The following TCF4 variants were observed in gnomAD, a reference collection of about 807,000 sequenced individuals.
TCF4 encodes the protein transcription factor 4, also known as SL3-3 enhancer factor 2.
TCF4 carries 3 observed loss-of-function variants against 82.1 expected under a neutral mutation model. That is an observed-to-expected ratio of 0.04 (90% confidence interval 0.02 to 0.09). The LOEUF (loss-of-function observed/expected upper bound fraction) is 0.09. Ranked by LOEUF, TCF4 falls within the 10% of genes least tolerant of loss-of-function variation. TCF4 has a pLI of 1.00. For missense variants in TCF4, 518 were observed against 852.7 expected (o/e 0.61, Z 4.89); for synonymous variants, 276 against 309.6 (o/e 0.89, Z 1.14).
intron 5 of TCF4, among the ~76,000 whole-genome samples, chr18:55,414,842 A>G (rs1052891414): frequency 1.3e-5 from 2 of 152,166 alleles, no homozygotes; most frequent in African/African-American, 2.4e-5. Context: ...TTTTACTCAA[A>G]CTACCATTCT....
At chr18:55,513,914 G>T (rs1179734470) in intron 3 of TCF4, among the ~76,000 whole-genome samples, 2 of 152,164 alleles carry the variant, frequency 1.3e-5, no homozygotes, top group Non-Finnish European at 2.9e-5. Flanking sequence ...GGTAGTCTCT[G>T]TTAAGGCTAA....
chr18:55,457,789 G>A (rs1568095286), intron 5 of TCF4, among the ~76,000 whole-genome samples: 1 of 152,110 alleles, frequency 6.6e-6, no homozygotes, highest in Non-Finnish European at 1.5e-5. Flanking sequence ...GAATTTCAGT[G>A]CCAAATAGAA....
chr18:55,400,924 T>C (rs1030114147), intron 6 of TCF4: 2 of 1,281,618 alleles, frequency 1.6e-6, no homozygotes, highest in African/African-American at 1.5e-5. Flanking sequence ...GCACACCATC[T>C]GAAGGTTTCC....
At chr18:55,352,990 A>T (rs891895157) in intron 6 of TCF4, among the ~76,000 whole-genome samples, 16 of 152,206 alleles carry the variant, frequency 1.1e-4, no homozygotes, top group Non-Finnish European at 1.9e-4. Context: ...TATTCTAGAC[A>T]CAAATCACCC....
intron 2 of TCF4, among the ~76,000 whole-genome samples, chr18:55,623,985 G>A (rs2097724116): frequency 6.6e-6 from 1 of 152,066 alleles, no homozygotes; most frequent in African/African-American, 2.4e-5. Context: ...TCAAAAGAGA[G>A]TTTCTCTTTA....
intron 5 of TCF4, among the ~76,000 whole-genome samples, chr18:55,440,569 T>A (rs2095420586): frequency 6.6e-6 from 1 of 152,210 alleles, no homozygotes; most frequent in Non-Finnish European, 1.5e-5. Context: ...CCTTTCTCTG[T>A]CTTCCAGGCT....
chr18:55,537,628 G>A lies in TCF4; in HGVS notation c.145+47652C>T, dbSNP rs1238099825. Among the ~76,000 whole-genome samples the A allele has an allele frequency of 2.0e-5, 3 of 152,232 alleles. 1 individual carries two copies. The highest frequency in any genetic ancestry group is 2.0e-4 in the Admixed American group (3 of 15,284). Reference sequence around the variant, plus strand: ...AATAAAAAAATTATGCACTGCTAAAGACTGCCATTCCTATAAAACAGAATA... The same window carrying A: ...AATAAAAAAATTATGCACTGCTAAAAACTGCCATTCCTATAAAACAGAATA... On this transcript the variant is annotated intron_variant, in intron 3 of 19. Coordinates refer to ENST00000354452, the MANE Select transcript of TCF4 (RefSeq NM_001083962.2).
intron 6 of TCF4, among the ~76,000 whole-genome samples, chr18:55,356,364 A>G (rs1465907382): frequency 1.3e-5 from 2 of 152,222 alleles, no homozygotes; most frequent in African/African-American, 2.4e-5. Flanking sequence ...TACACTGGCA[A>G]CAAGAAATGA....
intron 2 of TCF4, among the ~76,000 whole-genome samples, chr18:55,608,951 G>GTAA (rs2097704676): frequency 6.6e-6 from 1 of 152,146 alleles, no homozygotes; most frequent in Non-Finnish European, 1.5e-5. Flanking sequence ...AGGTGAGGAG[G>GTAA]TAACGAGGTC....
At chr18:55,552,809 C>G (rs1442819048) in intron 3 of TCF4, among the ~76,000 whole-genome samples, 1 of 152,192 alleles carries the variant, frequency 6.6e-6, no homozygotes, top group Non-Finnish European at 1.5e-5. Flanking sequence ...TCTAAAGGAA[C>G]ATTTACAGGA....
chr18:55,604,662 C>T (rs1346621602), intron 2 of TCF4, among the ~76,000 whole-genome samples: 1 of 152,190 alleles, frequency 6.6e-6, no homozygotes, highest in Admixed American at 6.6e-5. Context: ...ACCTCCACAT[C>T]TCAAGTAATG....
intron 8 of TCF4, among the ~76,000 whole-genome samples, chr18:55,313,123 C>A (rs2073071164): frequency 6.6e-6 from 1 of 152,052 alleles, no homozygotes; most frequent in South Asian, 2.1e-4. Context: ...ACCTAGCAAA[C>A]AGATGGCTCA....
In TCF4 at chr18:55,224,557, G is replaced by C. The variant is rs2046342729; in HGVS notation, c.*3478C>G. On this transcript the variant is annotated 3_prime_UTR_variant, in exon 20 of 20. Transcript: ENST00000354452. ...CATATTCTGCCTGTTGGATGCAAAA[G>C]ATGAAAATCCTCTTAACTCCAAGTC... 1 of 152,254 alleles carries C rather than the reference G, an allele frequency of 6.6e-6. No individual in the cohort carries two copies. Among genetic ancestry groups the C allele is most frequent in the South Asian group, 2.1e-4 (1 of 4,814 alleles). 9.4% of individuals were successfully genotyped at this position (152,254 alleles called of 1,614,324 possible). A position where few individuals can be genotyped will look rare whatever the true frequency, so the allele number is the denominator to read the frequency against.
At chr18:55,286,347 TTCACA>T (rs1457237272) in intron 8 of TCF4, among the ~76,000 whole-genome samples, 2 of 152,030 alleles carry the variant, frequency 1.3e-5, no homozygotes, top group African/African-American at 4.8e-5. Flanking sequence ...TCATGTTACT[TTCACA>T]TCTACTGCCC....
chr18:55,519,290 C>T (rs1272638394), intron 3 of TCF4, among the ~76,000 whole-genome samples: 2 of 151,890 alleles, frequency 1.3e-5, no homozygotes, highest in African/African-American at 4.8e-5. Context: ...AAAAATTAGC[C>T]ATGCATGGTG....
At chr18:55,460,000 C>G (rs1412369259) in intron 5 of TCF4, among the ~76,000 whole-genome samples, 1 of 152,022 alleles carries the variant, frequency 6.6e-6, no homozygotes, top group East Asian at 1.9e-4. Context: ...GGTGATTTTT[C>G]AAAGAATGCC....
At chr18:55,368,513 A>G (rs1736772006) in intron 6 of TCF4, among the ~76,000 whole-genome samples, 1 of 152,190 alleles carries the variant, frequency 6.6e-6, no homozygotes, top group Admixed American at 6.5e-5. Context: ...CTTCTTAAAA[A>G]AAACAAAAAA....
At chr18:55,339,279 A>C (rs1022034585) in intron 8 of TCF4, among the ~76,000 whole-genome samples, 11 of 152,230 alleles carry the variant, frequency 7.2e-5, no homozygotes, top group African/African-American at 2.4e-4. Flanking sequence ...CATCAGAATC[A>C]TAAATGAACT....
chr18:55,365,393 A>G (rs1027695692), intron 6 of TCF4, among the ~76,000 whole-genome samples: 1 of 151,324 alleles, frequency 6.6e-6, no homozygotes, highest in Non-Finnish European at 1.5e-5. Flanking sequence ...TTTCTTGTAG[A>G]AGCACTGGAT....
Sources: allele counts gnomAD v4.1 joint callset (sites outside exome capture counted in the v4.1 genomes callset), GRCh38; gene constraint gnomAD v4.1.1; transcripts MANE v1.5; gene names NCBI Gene and HGNC (gene_info 2026-07-23, HGNC 2026-07-21).